Variants in CDH18 observed in about 807,000 individuals in gnomAD.
CDH18 encodes the protein cadherin 18.
In CDH18, 31 loss-of-function variants were observed where a neutral mutation model predicts 67.9. That is an observed-to-expected ratio of 0.46 (90% confidence interval 0.34 to 0.62). The LOEUF (loss-of-function observed/expected upper bound fraction) is 0.62, where lower values mean the gene tolerates loss of function less well. Ranked by LOEUF, CDH18 falls within the 20% of genes least tolerant of loss-of-function variation. CDH18 has a pLI of 0.01. For missense variants in CDH18, 890 were observed against 975.5 expected (o/e 0.91, Z 1.17); for synonymous variants, 362 against 347.2 (o/e 1.04, Z -0.48).
Position 19,612,543 on chromosome 5 carries a change from T to C in CDH18, c.702A>G (p.Val234=), listed in dbSNP as rs745928397. 1 of 1,613,956 alleles carries C rather than the reference T, an allele frequency of 6.2e-7. No individual in the cohort carries two copies. The highest frequency in any genetic ancestry group is 2.2e-5 in the East Asian group (1 of 44,856). ...MDREAREHYS[V]VIQAKDMAGQ... is the part of the protein sequence containing the mutation. ...CAGCCATGTCTTTGGCTTGAATGACTACGGAGTAATGTTCTCTGGCTTCTC... is the reference window on the plus strand; with the variant it reads ...CAGCCATGTCTTTGGCTTGAATGACCACGGAGTAATGTTCTCTGGCTTCTC... The change falls in exon 6 of 13, where the codon GTA becomes GTG. Residue 234 remains valine (V), a synonymous_variant. Transcript: ENST00000382275.
intron 2 of CDH18, among the ~76,000 whole-genome samples, chr5:19,906,009 C>T (rs544153275): frequency 6.6e-6 from 1 of 152,044 alleles, no homozygotes; most frequent in African/African-American, 2.4e-5. Flanking sequence ...TAGTCATTAA[C>T]ATACTTTTCA....
At chr5:19,787,918 T>G (rs1775983553) in intron 3 of CDH18, among the ~76,000 whole-genome samples, 1 of 151,672 alleles carries the variant, frequency 6.6e-6, no homozygotes, top group Non-Finnish European at 1.5e-5. Flanking sequence ...GTATATCAGA[T>G]AAGTAATATT....
intron 1 of CDH18, among the ~76,000 whole-genome samples, chr5:20,464,753 C>T (rs957548267): frequency 4.6e-5 from 7 of 151,864 alleles, no homozygotes; most frequent in Non-Finnish European, 7.4e-5. Context: ...GTATGATTGC[C>T]GAAAGGAGAT....
intron 2 of CDH18, among the ~76,000 whole-genome samples, chr5:20,094,471 T>C (rs574011863): frequency 6.6e-6 from 1 of 152,286 alleles, no homozygotes; most frequent in Non-Finnish European, 1.5e-5. Flanking sequence ...CATATGAAAT[T>C]TAAAGTAGTT....
chr5:20,111,507 T>TTCCC (rs1213839152), intron 2 of CDH18, among the ~76,000 whole-genome samples: 12 of 145,856 alleles, frequency 8.2e-5, no homozygotes, highest in East Asian at 6.0e-4. Context: ...TCTTCCTTCC[T>TTCCC]TCCCTCCCTC....
chr5:19,909,578 C>T (rs1346825433), intron 2 of CDH18, among the ~76,000 whole-genome samples: 2 of 151,914 alleles, frequency 1.3e-5, no homozygotes, highest in Non-Finnish European at 2.9e-5. Context: ...TGAGCCACCA[C>T]GCCCAGCCAG....
intron 2 of CDH18, among the ~76,000 whole-genome samples, chr5:20,003,432 C>T (rs1736611844): frequency 6.7e-6 from 1 of 148,626 alleles, no homozygotes. Flanking sequence ...AGATTGTAAA[C>T]ACAGACTTCA....
Position 20,172,200 on chromosome 5 carries a change from A to ATATATG in CDH18, c.-518+83243_-518+83244insCATATA, listed in dbSNP as rs1554098681. On this transcript the variant is annotated intron_variant, in intron 2 of 14. Coordinates refer to the CDH18 transcript ENST00000507958. Reference sequence around the variant, plus strand: ...TCAATAGCATTGTGTGTATATATATATATATATATATATATATATATATGT... The same window carrying ATATATG: ...TCAATAGCATTGTGTGTATATATATATATATGTATATATATATATATATATATATGT... 1.1e-4 allele frequency among the ~76,000 whole-genome samples: 4 copies of ATATATG among 36,380 alleles called. 1 individual carries two copies. The Admixed American group carries it at 1.1e-3, about 10-fold the overall frequency. 23.9% of individuals were successfully genotyped at this position (36,380 alleles called of 152,430 possible).
chr5:19,728,634 C>T (rs948014047), intron 4 of CDH18, among the ~76,000 whole-genome samples: 5 of 151,990 alleles, frequency 3.3e-5, no homozygotes, highest in South Asian at 2.1e-4. Context: ...TTTCTAAAGA[C>T]GAATTTGAAA....
intron 3 of CDH18, among the ~76,000 whole-genome samples, chr5:19,835,887 C>T (rs1259250427): frequency 2.6e-5 from 4 of 152,054 alleles, no homozygotes; most frequent in South Asian, 2.1e-4. Flanking sequence ...TTCACAGAAC[C>T]GCCACAAACC....
chr5:19,910,560 A>G (rs1791016316), intron 2 of CDH18, among the ~76,000 whole-genome samples: 1 of 152,160 alleles, frequency 6.6e-6, no homozygotes, highest in African/African-American at 2.4e-5. Flanking sequence ...ATCTTTCTTT[A>G]CTTCTATTAA....
intron 11 of CDH18, among the ~76,000 whole-genome samples, chr5:19,502,148 G>A (rs1743355530): frequency 6.6e-6 from 1 of 152,182 alleles, no homozygotes; most frequent in African/African-American, 2.4e-5. Flanking sequence ...TCTCCCGGAA[G>A]TGAAGAGAAA....
intron 11 of CDH18, among the ~76,000 whole-genome samples, chr5:19,490,898 T>C (rs1433332035): frequency 1.3e-5 from 2 of 152,068 alleles, no homozygotes; most frequent in Non-Finnish European, 2.9e-5. Flanking sequence ...ATGTTTTACA[T>C]ATATATATAA....
At chr5:20,258,782 G>A (rs931557456) in intron 1 of CDH18, among the ~76,000 whole-genome samples, 5 of 151,998 alleles carry the variant, frequency 3.3e-5, no homozygotes, top group African/African-American at 1.2e-4. Flanking sequence ...AATACTACAG[G>A]AATGGTGAAG....
At chr5:20,446,210 T>A (rs544817060) in intron 1 of CDH18, among the ~76,000 whole-genome samples, 2 of 152,268 alleles carry the variant, frequency 1.3e-5, no homozygotes, top group South Asian at 4.1e-4. Context: ...TTTTCACCTG[T>A]GCCCTAGTTT....
rs1364245937 is a variant in CDH18, at chr5:19,813,716, A to C, written c.228+25043T>G. On this transcript the variant is annotated intron_variant, in intron 3 of 12. Transcript: ENST00000382275. ...CACAAAGGGAAAGCCAGGATATTTA[A>C]ACACATTTGAATTGAGAGTGTCATA... Among the ~76,000 whole-genome samples the C allele has an allele frequency of 2.0e-5, 3 of 152,146 alleles. No homozygotes were observed. The East Asian group carries it at 5.8e-4, about 29-fold the overall frequency.
chr5:20,060,955 A>T (rs1232082546), intron 2 of CDH18, among the ~76,000 whole-genome samples: 2 of 152,104 alleles, frequency 1.3e-5, no homozygotes, highest in African/African-American at 4.8e-5. Flanking sequence ...GCAAGAAAAA[A>T]AAAAGATGCT....
chr5:20,123,641 A>G (rs1748562166), intron 2 of CDH18, among the ~76,000 whole-genome samples: 1 of 152,136 alleles, frequency 6.6e-6, no homozygotes, highest in Non-Finnish European at 1.5e-5. Context: ...TAATCCCAGC[A>G]CTTTGGGACG....
At chr5:20,382,794 T>C (rs1289578132) in intron 1 of CDH18, among the ~76,000 whole-genome samples, 1 of 152,270 alleles carries the variant, frequency 6.6e-6, no homozygotes, top group African/African-American at 2.4e-5. Context: ...TATGTGTGCA[T>C]AACTATACTG....
Sources: gnomAD v4.1 joint callset for allele counts (sites outside exome capture counted in the v4.1 genomes callset) on GRCh38, gnomAD v4.1.1 for gene constraint, MANE v1.5 for transcripts, NCBI Gene and HGNC (gene_info 2026-07-23, HGNC 2026-07-21) for gene names.